CEP350: variants seen among roughly 807,000 people sequenced by gnomAD.
CEP350 encodes the protein centrosome-associated protein 350.
In CEP350, 126 loss-of-function variants were observed where a neutral mutation model predicts 331.8. The ratio of observed to expected loss-of-function variants is 0.38; its 90% confidence interval spans 0.33 to 0.44. The LOEUF (loss-of-function observed/expected upper bound fraction) is 0.44. Among genes scored for constraint, CEP350 ranks in the 20% least tolerant of loss-of-function variants. The probability of loss-of-function intolerance (pLI) is 1.00; values close to 1 mark genes in which losing one functional copy is unlikely to be tolerated. For missense variants in CEP350, 3,406 were observed against 3,634.6 expected (o/e 0.94, Z 1.62); for synonymous variants, 1,200 against 1,259.5 (o/e 0.95, Z 1.00).
At chr1:180,025,641 C>T (rs966492699) in intron 14 of CEP350, among the ~76,000 whole-genome samples, 1 of 152,128 alleles carries the variant, frequency 6.6e-6, no homozygotes, top group Non-Finnish European at 1.5e-5. Context: ...AGCAGACTAA[C>T]ACAGGAACAG....
chr1:180,084,526 G>A (rs972963491), intron 31 of CEP350, among the ~76,000 whole-genome samples: 1 of 151,952 alleles, frequency 6.6e-6, no homozygotes, highest in South Asian at 2.1e-4. Context: ...CACTACGCCC[G>A]GCTAATTTTT....
chr1:179,990,592 C>T lies in CEP350; in HGVS notation c.206C>T (p.Thr69Ile). ...DSVMDTKKSS[T>I]SATRKISRKD... ...GTCATGGATACCAAGAAGTCTTCTA[C>T]AAGTGCTACTCGAAAAATAAGTAGA... is the stretch of plus-strand genomic sequence containing the variant. Residue 69 changes from threonine to isoleucine, a missense_variant, in exon 4 of 38, where the codon ACA (threonine) becomes ATA (isoleucine). This residue lies in a region of CEP350 where 1,857 missense variants were observed against 1,909.2 expected (regional missense o/e 0.97). Transcript: ENST00000367607. 6.2e-7 allele frequency: 1 copy of T among 1,600,022 alleles called. No individual in the cohort carries two copies. The highest frequency in any genetic ancestry group is 8.5e-7 in the Non-Finnish European group (1 of 1,171,276).
intron 13 of CEP350, 77 bp downstream of exon 13, chr1:180,022,925 T>C: frequency 7.2e-7 from 1 of 1,387,868 alleles, no homozygotes; most frequent in Non-Finnish European, 9.7e-7. Flanking sequence ...GTCTGAATAT[T>C]AGCCAAGTTT....
intron 32 of CEP350, among the ~76,000 whole-genome samples, chr1:180,089,493 G>A (rs953601030): frequency 1.3e-5 from 2 of 151,584 alleles, no homozygotes; most frequent in African/African-American, 4.9e-5. Flanking sequence ...TGAGGCAGGA[G>A]CATCGCTTGA....
chr1:180,092,980 G>T lies in CEP350; in HGVS notation c.6875G>T (p.Gly2292Val). Reference sequence around the variant, plus strand: ...TTACTGAAATTAGTCCTAGAACAGGGAGATTCATCTGAAATTCTTTCAAAG... The same window carrying T: ...TTACTGAAATTAGTCCTAGAACAGGTAGATTCATCTGAAATTCTTTCAAAG... ...DVLLKLVLEQGDSSEILSKKD... is the reference protein window; with the variant it reads ...DVLLKLVLEQVDSSEILSKKD... Residue 2292 changes from glycine (G) to valine (V), a missense_variant, in exon 34 of 38, where the codon GGA becomes GTA. Coordinates refer to ENST00000367607, the MANE Select transcript of CEP350 (RefSeq NM_014810.5). 1 of 1,601,086 alleles carries T rather than the reference G, an allele frequency of 6.2e-7. No homozygotes were observed. Among genetic ancestry groups the T allele is most frequent in the Non-Finnish European group, 8.5e-7 (1 of 1,172,676 alleles).
intron 1 of CEP350, among the ~76,000 whole-genome samples, chr1:179,970,851 T>C (rs935998429): frequency 6.6e-6 from 1 of 152,214 alleles, no homozygotes; most frequent in African/African-American, 2.4e-5. Context: ...GTTTCACAGA[T>C]GTTTTGGTAT....
intron 37 of CEP350, among the ~76,000 whole-genome samples, chr1:180,103,387 G>GA (rs1024866457): frequency 2.4e-4 from 35 of 146,038 alleles, no homozygotes; most frequent in East Asian, 2.0e-3. Flanking sequence ...CTCTTCGTTA[G>GA]AAAAAAAAAA....
intron 14 of CEP350, among the ~76,000 whole-genome samples, chr1:180,028,638 T>C (rs1262928490): frequency 6.6e-6 from 1 of 151,672 alleles, no homozygotes. Context: ...GCCCTGTCTT[T>C]AGAAAAAATA....
intron 33 of CEP350, among the ~76,000 whole-genome samples, chr1:180,092,008 C>G (rs991433864): frequency 2.6e-5 from 4 of 151,386 alleles, no homozygotes; most frequent in African/African-American, 9.7e-5. Context: ...GTGACCACTG[C>G]ACTCCAGCTT....
intron 37 of CEP350, among the ~76,000 whole-genome samples, chr1:180,104,899 T>TC (rs1169048056): frequency 6.6e-6 from 1 of 152,098 alleles, no homozygotes; most frequent in Non-Finnish European, 1.5e-5. Context: ...GGCCGTCACT[T>TC]CCCCCGCATT....
intron 11 of CEP350, among the ~76,000 whole-genome samples, chr1:180,016,933 G>A (rs1441043744): frequency 1.3e-5 from 2 of 151,970 alleles, no homozygotes; most frequent in Non-Finnish European, 2.9e-5. Flanking sequence ...AAAGTGCTGG[G>A]ATTACAGGCA....
intron 8 of CEP350, among the ~76,000 whole-genome samples, chr1:180,010,657 A>G (rs901680371): frequency 6.6e-5 from 10 of 150,642 alleles, no homozygotes; most frequent in Non-Finnish European, 1.3e-4. Context: ...GCTGGAGCAC[A>G]GTGGCATGAT....
intron 37 of CEP350, among the ~76,000 whole-genome samples, chr1:180,104,036 CA>C (rs1686865925): frequency 7.1e-6 from 1 of 140,022 alleles, no homozygotes; most frequent in Non-Finnish European, 1.5e-5. Flanking sequence ...AAAATATATA[CA>C]AAATATATAC....
intron 31 of CEP350, among the ~76,000 whole-genome samples, chr1:180,086,562 AAATAC>A (rs1558149972): frequency 1.3e-5 from 2 of 150,280 alleles, no homozygotes; most frequent in South Asian, 2.1e-4. Context: ...TATATATATA[AAATAC>A]ATAGCAGTTC....
intron 1 of CEP350, among the ~76,000 whole-genome samples, chr1:179,965,615 C>CTTTTTTTTTTTTTTTTT (rs747027286): frequency 7.1e-5 from 6 of 84,394 alleles, no homozygotes; most frequent in East Asian, 3.7e-4. Flanking sequence ...TTTTTCTTTT[C>CTTTTTTTTTTTTTTTTT]TTTTTTTTTT....
chr1:180,020,386 G>C lies in CEP350; in HGVS notation c.2612G>C (p.Gly871Ala). 1 of 1,613,766 alleles carries C rather than the reference G, an allele frequency of 6.2e-7. No homozygotes were observed. The highest frequency in any genetic ancestry group is 1.7e-5 in the Admixed American group (1 of 60,024). ...GTGCAGCAGGCACCTCAAGAAGATG[G>C]ACCTTGGACCAAGGCTGTAACTCCA... is the stretch of plus-strand genomic sequence containing the variant. Reference protein sequence around the residue: ...YDVQQAPQEDGPWTKAVTPPV... With the variant: ...YDVQQAPQEDAPWTKAVTPPV... The change falls in exon 12 of 38, where the codon GGA becomes GCA. Residue 871 changes from glycine to alanine, a missense_variant. Gly to Ala is a moderately conservative substitution (Grantham distance 60). Coordinates refer to ENST00000367607, the MANE Select transcript of CEP350 (RefSeq NM_014810.5).
chr1:180,010,391 A>G (rs1654548667), intron 8 of CEP350, among the ~76,000 whole-genome samples: 1 of 140,130 alleles, frequency 7.1e-6, no homozygotes, highest in South Asian at 2.3e-4. Context: ...CCTGACACAT[A>G]ATCCCATGTT....
chr1:180,107,344 CT>C (rs1232380622), intron 37 of CEP350, among the ~76,000 whole-genome samples: 2 of 152,162 alleles, frequency 1.3e-5, no homozygotes. Flanking sequence ...GAGGCAGAAA[CT>C]TCCTTGCAGG....
intron 30 of CEP350, 106 bp from the exon 31 acceptor site, chr1:180,083,912 G>A: frequency 1.9e-6 from 1 of 520,946 alleles, no homozygotes; most frequent in Non-Finnish European, 3.3e-6. Flanking sequence ...TATTAGATTG[G>A]CTTTATTTAA....
Sources: gnomAD v4.1 joint callset for allele counts (sites outside exome capture counted in the v4.1 genomes callset) on GRCh38, gnomAD v4.1.1 for gene constraint, gnomAD v4.1.1 regional missense constraint, MANE v1.5 for transcripts, NCBI Gene and HGNC (gene_info 2026-07-23, HGNC 2026-07-21) for gene names.